Variants in GCFC2 observed in about 807,000 individuals in gnomAD.
The protein encoded by GCFC2 is GC-rich sequence DNA-binding factor 2.
Under a neutral mutation model 99.4 loss-of-function variants are expected in GCFC2, and 102 were observed. The ratio of observed to expected loss-of-function variants is 1.03; its 90% CI spans 0.87 to 1.21. The LOEUF is 1.21. Ranked by LOEUF, GCFC2 falls within the 50% of genes most tolerant of loss-of-function variation. The pLI is 0.00. For missense variants in GCFC2, 973 were observed against 920.9 expected, an observed-to-expected ratio of 1.06 and a Z score of -0.73; for synonymous variants, 338 against 316.8, an observed-to-expected ratio of 1.07 and a Z score of -0.71.
Position 75,680,284 on chromosome 2 carries a change from G to A in GCFC2, c.1721C>T (p.Ser574Leu). 6.2e-7 allele frequency: 1 copy of A among 1,608,506 alleles called. No individual in the cohort carries two copies. Among genetic ancestry groups the A allele is most frequent in the Non-Finnish European group, 8.5e-7 (1 of 1,175,266 alleles). Reference protein sequence around the residue: ...DFVEFLWDPLSTSQTTSLITH... With the variant: ...DFVEFLWDPLLTSQTTSLITH... ...TATTAAACTTGTTGTCTGTGAGGTTGACAAAGGATCCCAAAGGAATTCTAC... is the reference window on the plus strand; with the variant it reads ...TATTAAACTTGTTGTCTGTGAGGTTAACAAAGGATCCCAAAGGAATTCTAC... Residue 574 changes from serine to leucine, a missense_variant, in exon 12 of 17, where the codon TCA (serine) becomes TTA (leucine). By Grantham distance (145) the Ser-to-Leu change is moderately radical (BLOSUM62 -2). Transcript: ENST00000321027.
chr2:75,710,704 C>T lies in GCFC2; in HGVS notation c.152G>A (p.Arg51His). ...AEEEPPSGGG[R>H]AQVAGLPHRV... ...GTGGGGCAGTCCCGCCACCTGCGCG[C>T]GGCCTCCTCCAGAGGGCGGCTCTTC... Residue 51 changes from arginine to histidine, a missense_variant, in exon 1 of 17, where the codon CGC becomes CAC. Physicochemically the swap from Arg to His is conservative, Grantham distance 29. Coordinates refer to ENST00000321027, the MANE Select transcript of GCFC2 (RefSeq NM_003203.5). The T allele has an allele frequency of 5.2e-6, 8 of 1,535,446 alleles. No homozygotes were observed. The highest frequency in any genetic ancestry group is 7.0e-6 in the Non-Finnish European group (8 of 1,145,926).
chr2:75,699,458 A>G (rs1404497238), intron 4 of GCFC2, among the ~76,000 whole-genome samples: 1 of 152,246 alleles, frequency 6.6e-6, no homozygotes, highest in Non-Finnish European at 1.5e-5. Context: ...TTGACCTCAC[A>G]GAACTTATAT....
intron 13 of GCFC2, 145 bp from the exon 14 acceptor site, chr2:75,672,161 A>AATAAAATATATATTTATTT (rs959446632): frequency 6.2e-6 from 1 of 160,772 alleles, no homozygotes; most frequent in African/African-American, 2.5e-5. Flanking sequence ...TTATTTTATA[A>AATAAAATATATATTTATTT]ATAAAATATA....
intron 12 of GCFC2, 144 bp downstream of exon 12, chr2:75,680,049 G>A (rs1169682192): frequency 6.5e-6 from 4 of 613,272 alleles, no homozygotes; most frequent in Non-Finnish European, 2.6e-6. Flanking sequence ...AAAAAGTCTA[G>A]TTTCTATAAA....
rs1463932459 is a variant in GCFC2, at chr2:75,667,718, A to G, written c.2104-1665T>C. 2.0e-5 allele frequency among the ~76,000 whole-genome samples: 3 copies of G among 152,336 alleles called. No homozygotes were observed. The South Asian group carries it at 6.2e-4, about 32-fold the overall frequency. On this transcript the variant is annotated intron_variant, in intron 15 of 16. Transcript: ENST00000321027. The stretch of plus-strand genomic sequence containing the variant: ...ATGTAGCTTTTGCGTTAATGATCCC[A>G]GCACTAAAAGTCGATTTTCTTGGCC...
rs957347817 is a variant in GCFC2, at chr2:75,676,335, A to G, written c.1813-2815T>C. On this transcript the variant is annotated intron_variant, in intron 12 of 16. Transcript: ENST00000321027. ...TTGGACTATTAGATTTCAGTTAACA[A>G]TGAGAGTTAACAAACTTTTCCCTCC... Among the ~76,000 whole-genome samples the G allele has an allele frequency of 4.6e-5, 7 of 152,178 alleles. No individual in the cohort carries two copies. In the South Asian group the frequency reaches 1.0e-3, roughly 23 times the overall value.
At chr2:75,702,034 C>G in intron 3 of GCFC2, 165 bp downstream of exon 3, 1 of 1,414,032 alleles carries the variant, frequency 7.1e-7, no homozygotes, top group Non-Finnish European at 9.2e-7. Context: ...CATTTTGATA[C>G]AGATACATCT....
rs765858726 is a variant in GCFC2 at position 75,664,765 on chromosome 2, T to C, written c.2247A>G (p.Ile749Met). The part of the protein sequence containing the change: ...RSEFRDEVEE[I>M]ILILVKIKAL... Reference sequence around the variant, plus strand: ...CTTTTATTTTCACCAAAATAAGAATTATTTCTTCGACTTCATCCCTGAAAA... The same window carrying C: ...CTTTTATTTTCACCAAAATAAGAATCATTTCTTCGACTTCATCCCTGAAAA... The change falls in exon 17 of 17, where the codon ATA becomes ATG. Residue 749 changes from isoleucine to methionine, a missense_variant. Physicochemically the swap from Ile to Met is conservative, Grantham distance 10. Transcript: ENST00000321027. 10 of 1,540,682 alleles carry C rather than the reference T, an allele frequency of 6.5e-6. No homozygotes were observed. Among genetic ancestry groups the C allele is most frequent in the Admixed American group, 1.7e-5 (1 of 59,620 alleles).
intron 15 of GCFC2, among the ~76,000 whole-genome samples, chr2:75,668,778 T>C (rs142523128): frequency 6.6e-6 from 1 of 152,218 alleles, no homozygotes; most frequent in African/African-American, 2.4e-5. Flanking sequence ...GCATCTCTAA[T>C]TTTTGACTTA....
At position 75,701,386 on chromosome 2, in the gene GCFC2, TTGACG is replaced by T. The variant is rs1680585183; in HGVS notation, c.620-104_620-100del. The T allele has an allele frequency of 4.5e-6, 3 of 664,674 alleles. No homozygotes were observed. The East Asian group carries it at 8.0e-5, about 18-fold the overall frequency. 41.2% of individuals were successfully genotyped at this position (664,674 alleles called of 1,614,324 possible). On this transcript the variant is annotated intron_variant, in intron 3 of 16. Coordinates refer to ENST00000321027, the MANE Select transcript of GCFC2 (RefSeq NM_003203.5). ...AGATTATACAAAGGCTTAGCACCAC[TTGACG>T]TGTTATTTATTCTTCATAATAATTC...
chr2:75,681,189 C>T (rs369447325), intron 11 of GCFC2, among the ~76,000 whole-genome samples: 65 of 152,154 alleles, frequency 4.3e-4, no homozygotes, highest in African/African-American at 1.5e-3. Context: ...GCGAGATGGA[C>T]GTAGAAGGCC....
intron 6 of GCFC2, among the ~76,000 whole-genome samples, chr2:75,693,546 C>A (rs1220960229): frequency 6.6e-6 from 1 of 151,924 alleles, no homozygotes; most frequent in East Asian, 1.9e-4. Flanking sequence ...TGAAGGCCTG[C>A]CCCAATGTAA....
intron 12 of GCFC2, among the ~76,000 whole-genome samples, chr2:75,675,796 T>G (rs937028492): frequency 6.6e-6 from 1 of 151,328 alleles, no homozygotes; most frequent in African/African-American, 2.4e-5. Context: ...AATTCACATA[T>G]TTTAAAACCG....
In GCFC2 at chr2:75,664,597, A is replaced by G; in HGVS notation, c.*69T>C. 2.8e-6 allele frequency: 2 copies of G among 726,386 alleles called. No homozygotes were observed. Among genetic ancestry groups the G allele is most frequent in the South Asian group, 3.3e-5 (2 of 60,720 alleles). 45.0% of individuals were successfully genotyped at this position (726,386 alleles called of 1,614,324 possible). The stretch of plus-strand genomic sequence containing the variant: ...AGGGAATAAAGAAGAGAGAGGCACC[A>G]GCTTCTTCTCAAACAAAGGAACTGA... On this transcript the variant is annotated 3_prime_UTR_variant, in exon 17 of 17. Transcript: ENST00000321027.
chr2:75,668,062 A>C (rs1267283184), intron 15 of GCFC2, among the ~76,000 whole-genome samples: 1 of 152,188 alleles, frequency 6.6e-6, no homozygotes, highest in East Asian at 1.9e-4. Flanking sequence ...AGCTAGAGAA[A>C]CTGGTGCCTG....
intron 1 of GCFC2, 76 bp from the exon 2 acceptor site, chr2:75,706,727 A>C: frequency 2.1e-6 from 2 of 943,446 alleles, no homozygotes; most frequent in Non-Finnish European, 3.3e-6. Context: ...TGAACAACAC[A>C]TGGCATATGT....
At chr2:75,700,063 G>A (rs1680513805) in intron 4 of GCFC2, among the ~76,000 whole-genome samples, 1 of 151,964 alleles carries the variant, frequency 6.6e-6, no homozygotes, top group Non-Finnish European at 1.5e-5. Context: ...ACCATGACTG[G>A]CTAATTTTTG....
At chr2:75,685,100 C>T (rs1679753407) in intron 11 of GCFC2, among the ~76,000 whole-genome samples, 1 of 152,116 alleles carries the variant, frequency 6.6e-6, no homozygotes, top group Non-Finnish European at 1.5e-5. Flanking sequence ...AGGAGAAATA[C>T]CTAATGTAGA....
chr2:75,682,001 G>A (rs892890062), intron 11 of GCFC2, among the ~76,000 whole-genome samples: 10 of 151,926 alleles, frequency 6.6e-5, no homozygotes, highest in African/African-American at 2.2e-4. Flanking sequence ...GGGGAAAGGG[G>A]TGGCTGTGGG....
Sources: allele counts gnomAD v4.1 joint callset (sites outside exome capture counted in the v4.1 genomes callset), GRCh38; gene constraint gnomAD v4.1.1; transcripts MANE v1.5; gene names NCBI Gene and HGNC (gene_info 2026-07-23, HGNC 2026-07-21).